Variants in RASGRP2 observed in about 807,000 individuals in gnomAD.
RASGRP2 encodes the protein RAS guanyl releasing protein 2, also known as RAS guanyl-releasing protein 2.
Under a neutral mutation model 71.0 loss-of-function variants are expected in RASGRP2, and 44 were observed. That is an observed-to-expected ratio of 0.62 (90% confidence interval 0.49 to 0.80). The LOEUF (loss-of-function observed/expected upper bound fraction) is 0.80, where lower values mean the gene tolerates loss of function less well. Ranked by LOEUF, RASGRP2 falls within the 30% of genes least tolerant of loss-of-function variation. RASGRP2 has a pLI of 0.00. For synonymous variants in RASGRP2, 350 were observed against 330.7 expected, an observed-to-expected ratio of 1.06 and a Z score of -0.63; for missense variants, 663 against 813.4, an observed-to-expected ratio of 0.82 and a Z score of 2.25.
At chr11:64,740,815 T>C (rs113414862) in intron 5 of RASGRP2, 133 bp downstream of exon 5, 50 of 1,219,218 alleles carry the variant, frequency 4.1e-5, no homozygotes, top group African/African-American at 3.3e-4. Context: ...TTGAAGGCAA[T>C]AGGGAGCCAT....
chr11:64,729,878 A>G (rs2057704481), intron 13 of RASGRP2, 80 bp from the exon 14 acceptor site: 9 of 1,587,274 alleles, frequency 5.7e-6, no homozygotes, highest in Non-Finnish European at 6.9e-6. Context: ...GGGTGAGACT[A>G]GGGCTTTAGA....
chr11:64,739,948 T>C lies in RASGRP2; in HGVS notation c.522+65A>G. ...GTGACCCAGCCTACGCCAGGGACCC[T>C]GCCCCTCCTAGAACTCTCTTCCAGC... On this transcript the variant is annotated intron_variant, in intron 6 of 16. Transcript: ENST00000394432. The surrounding 1 kb of genome is among the most constrained non-coding windows in gnomAD (Gnocchi z 4.2). 2.5e-6 allele frequency: 4 copies of C among 1,611,670 alleles called. No individual in the cohort carries two copies. The highest frequency in any genetic ancestry group is 3.4e-6 in the Non-Finnish European group (4 of 1,178,632).
intron 8 of RASGRP2, 66 bp from the exon 9 acceptor site, chr11:64,737,100 T>G: frequency 6.3e-7 from 1 of 1,590,302 alleles, no homozygotes; most frequent in African/African-American, 1.3e-5. Context: ...CCTGGAAATG[T>G]AGGAGGGGGT....
rs1183527512 is a variant in RASGRP2 at position 64,740,169 on chromosome 11, G to A, written c.372-6C>T. ...GCTTCCACTTGTAGGTAGGGCTGGGGGGGCAGGGGTAGTGAGCCCTTTGCT... is the reference window on the plus strand; with the variant it reads ...GCTTCCACTTGTAGGTAGGGCTGGGAGGGCAGGGGTAGTGAGCCCTTTGCT... On this transcript the variant is annotated splice_region_variant and splice_polypyrimidine_tract_variant and intron_variant, in intron 5 of 16. Transcript: ENST00000394432. The A allele has an allele frequency of 6.2e-7, 1 of 1,614,002 alleles. No individual in the cohort carries two copies. Among genetic ancestry groups the A allele is most frequent in the Admixed American group, 1.7e-5 (1 of 60,002 alleles).
rs113386360 is a variant in RASGRP2 at position 64,735,706 on chromosome 11, GA to G, written c.1174-43del. On this transcript the variant is annotated intron_variant, in intron 10 of 16. Coordinates refer to ENST00000394432, the MANE Select transcript of RASGRP2 (RefSeq NM_001098671.2). The surrounding 1 kb of genome is among the most constrained non-coding windows in gnomAD (Gnocchi z 4.2). Reference sequence around the variant, plus strand: ...GCCTGAGCTAGGGCCAGAGGCAGGGGAAGCCCAGAGCCCCGGGGAACAGAGA... The same window carrying G: ...GCCTGAGCTAGGGCCAGAGGCAGGGGAGCCCAGAGCCCCGGGGAACAGAGA... 6.3e-7 allele frequency: 1 copy of G among 1,588,202 alleles called. No individual in the cohort carries two copies.
Position 64,735,395 on chromosome 11 carries a change from C to A in RASGRP2, c.1296+147G>T. 1.4e-6 allele frequency: 2 copies of A among 1,458,210 alleles called. No individual in the cohort carries two copies. The highest frequency in any genetic ancestry group is 1.1e-5 in the South Asian group (1 of 87,314). The allele number at this position is 1,458,210 out of a possible 1,614,324, so 90.3% of individuals were successfully genotyped here. A position where few individuals can be genotyped will look rare whatever the true frequency, so the allele number is the denominator to read the frequency against. On this transcript the variant is annotated intron_variant, in intron 11 of 16. Coordinates refer to ENST00000394432, the MANE Select transcript of RASGRP2 (RefSeq NM_001098671.2). The surrounding 1 kb of genome is among the most constrained non-coding windows in gnomAD (Gnocchi z 4.2). ...ACCCCCACCCTACCCAGGGGCACTT[C>A]AGCCCCGTGCAGCTGGCCTGCCAGG...
At chr11:64,738,812 G>A (rs1467602292) in intron 8 of RASGRP2, among the ~76,000 whole-genome samples, 1 of 152,032 alleles carries the variant, frequency 6.6e-6, no homozygotes, top group Non-Finnish European at 1.5e-5. Flanking sequence ...AATAAAAAAT[G>A]AAGGAGAAAG....
chr11:64,743,905 C>T lies in RASGRP2; in HGVS notation c.-72+98G>A. Reference sequence around the variant, plus strand: ...TGCAGGCGTCCGCACTTACACGCACCGGGCCACAGGCACCGGCCTCCCATC... The same window carrying T: ...TGCAGGCGTCCGCACTTACACGCACTGGGCCACAGGCACCGGCCTCCCATC... On this transcript the variant is annotated intron_variant, in intron 1 of 16. Transcript: ENST00000394432. This position sits in a 1 kb window ranked among gnomAD's most constrained non-coding sequence, Gnocchi z 4.9. 3.4e-6 allele frequency: 3 copies of T among 883,662 alleles called. No individual in the cohort carries two copies. The highest frequency in any genetic ancestry group is 4.1e-6 in the Non-Finnish European group (3 of 726,972). The allele number at this position is 883,662 out of a possible 1,614,324, so 54.7% of individuals were successfully genotyped here. A position where few individuals can be genotyped will look rare whatever the true frequency, so the allele number is the denominator to read the frequency against.
At position 64,735,274 on chromosome 11, in the gene RASGRP2, A is replaced by C. The variant is rs2057894399; in HGVS notation, c.1297-47T>G. 1.4e-6 allele frequency: 2 copies of C among 1,466,638 alleles called. No homozygotes were observed. The highest frequency in any genetic ancestry group is 4.5e-5 in the East Asian group (2 of 44,004). The allele number at this position is 1,466,638 out of a possible 1,614,324, so 90.9% of individuals were successfully genotyped here. On this transcript the variant is annotated intron_variant, in intron 11 of 16. Transcript: ENST00000394432. This position sits in a 1 kb window ranked among gnomAD's most constrained non-coding sequence, Gnocchi z 4.2. ...GCAGAGCCAGAAGAGGGGAGAGTAAAGGGGACATCAGGTCCTGTCCCTTCC... is the reference window on the plus strand; with the variant it reads ...GCAGAGCCAGAAGAGGGGAGAGTAACGGGGACATCAGGTCCTGTCCCTTCC...
rs2057671253 is a variant in RASGRP2, at chr11:64,729,046, G to A, written c.1592-4C>T. 7 of 1,591,398 alleles carry A rather than the reference G, an allele frequency of 4.4e-6. No homozygotes were observed. The highest frequency in any genetic ancestry group is 3.3e-5 in the South Asian group (3 of 89,568). On this transcript the variant is annotated splice_region_variant and splice_polypyrimidine_tract_variant and intron_variant, in intron 14 of 16. Transcript: ENST00000394432. ...TTGTGGCAGTTCACTCCACAGGCTG[G>A]GGGAGAGCAAATGGAGAGCCAGCCA...
In RASGRP2 at chr11:64,740,008, C is replaced by T. The variant is rs1258934260; in HGVS notation, c.522+5G>A. ...ACCCCTGACCCCCCAGCCCTCGGGC[C>T]GCACCAGGATCTTGCAGAAGGAGCG... On this transcript the variant is annotated splice_donor_5th_base_variant and intron_variant, in intron 6 of 16. Coordinates refer to ENST00000394432, the MANE Select transcript of RASGRP2 (RefSeq NM_001098671.2). The T allele has an allele frequency of 1.2e-6, 2 of 1,613,980 alleles. No homozygotes were observed. The highest frequency in any genetic ancestry group is 2.7e-5 in the African/African-American group (2 of 74,898).
At chr11:64,733,853 CTTTTT>C (rs200730812) in intron 12 of RASGRP2, among the ~76,000 whole-genome samples, 2 of 135,656 alleles carry the variant, frequency 1.5e-5, no homozygotes, top group Non-Finnish European at 3.1e-5. Flanking sequence ...CTTTTTTTTT[CTTTTT>C]TTTTTTTTTG....
Position 64,743,426 on chromosome 11 carries a change from C to T in RASGRP2, c.-71-489G>A, listed in dbSNP as rs2904961. The T allele has an allele frequency of 0.96, 337,776 of 351,506 alleles. 163,844 individuals are homozygous for T. The highest frequency in any genetic ancestry group is 1 in the East Asian group (11,723 of 11,724). 21.8% of individuals were successfully genotyped at this position (351,506 alleles called of 1,614,324 possible). A position where few individuals can be genotyped will look rare whatever the true frequency, so the allele number is the denominator to read the frequency against. The stretch of plus-strand genomic sequence containing the variant: ...GGGGGAGAGAACCCAGGCGTCCTGC[C>T]CGCCTCGCCCCCTCCCGGGAGCCCA... On this transcript the variant is annotated intron_variant, in intron 1 of 16. Transcript: ENST00000394432. This position sits in a 1 kb window ranked among gnomAD's most constrained non-coding sequence, Gnocchi z 4.9.
chr11:64,737,192 G>A, intron 8 of RASGRP2, 158 bp from the exon 9 acceptor site: 1 of 841,392 alleles, frequency 1.2e-6, no homozygotes, highest in South Asian at 1.5e-5. Context: ...TCAGCCCCTG[G>A]GGATTGAATT....
At position 64,743,034 on chromosome 11, in the gene RASGRP2, G is replaced by A; in HGVS notation, c.-71-97C>T. On this transcript the variant is annotated intron_variant, in intron 1 of 16. Transcript: ENST00000394432. The surrounding 1 kb of genome is among the most constrained non-coding windows in gnomAD (Gnocchi z 4.9). The stretch of plus-strand genomic sequence containing the variant: ...GGCGGGGCGGGCACGCCCCCTGCTG[G>A]ACAGGGGCGGAGTTGTCCCCCGCGG... 1 of 1,341,132 alleles carries A rather than the reference G, an allele frequency of 7.5e-7. No individual in the cohort carries two copies. The highest frequency in any genetic ancestry group is 1.0e-6 in the Non-Finnish European group (1 of 973,560). 83.1% of individuals were successfully genotyped at this position (1,341,132 alleles called of 1,614,324 possible).
rs143980312 is a variant in RASGRP2 at position 64,741,270 on chromosome 11, T to G, written c.239+169A>C. 1.8e-3 allele frequency among the ~76,000 whole-genome samples: 280 copies of G among 152,216 alleles called. 1 individual carries two copies. The highest frequency in any genetic ancestry group is 6.6e-3 in the African/African-American group (276 of 41,542). On this transcript the variant is annotated intron_variant, in intron 4 of 16. Transcript: ENST00000394432. Reference sequence around the variant, plus strand: ...ACCCGCACTGCGCAGAAAAGAAAATTAAGGCCCAGACCCAGGAAGGGGTGA... The same window carrying G: ...ACCCGCACTGCGCAGAAAAGAAAATGAAGGCCCAGACCCAGGAAGGGGTGA...
At chr11:64,737,290 C>T in intron 8 of RASGRP2, 2 of 532,208 alleles carry the variant, frequency 3.8e-6, no homozygotes, top group South Asian at 4.1e-5. Flanking sequence ...CAACATTTAA[C>T]AGGAGAAACA....
At chr11:64,728,616 G>A (rs934200308) in intron 15 of RASGRP2, among the ~76,000 whole-genome samples, 3 of 151,436 alleles carry the variant, frequency 2.0e-5, no homozygotes, top group Admixed American at 1.3e-4. Flanking sequence ...TGTATTTTTA[G>A]TAAAGATGGG....
In RASGRP2 at chr11:64,743,553, G is replaced by A. The variant is rs945826232; in HGVS notation, c.-72+450C>T. ...CCTGGGGCGGGGGGAGCCCGCTGCG[G>A]CCAGGAGGCGTCAGCGGGAAGCCTG... On this transcript the variant is annotated intron_variant, in intron 1 of 16. Transcript: ENST00000394432. The surrounding 1 kb of genome is among the most constrained non-coding windows in gnomAD (Gnocchi z 4.9). The A allele has an allele frequency of 8.8e-6, 3 of 342,768 alleles. No homozygotes were observed. The highest frequency in any genetic ancestry group is 2.1e-5 in the South Asian group (1 of 47,484). 21.2% of individuals were successfully genotyped at this position (342,768 alleles called of 1,614,324 possible).
Sources: gnomAD v4.1 joint callset for allele counts (sites outside exome capture counted in the v4.1 genomes callset) on GRCh38, gnomAD v4.1.1 for gene constraint, Gnocchi (gnomAD v3.1) non-coding constraint, MANE v1.5 for transcripts, NCBI Gene and HGNC (gene_info 2026-07-23, HGNC 2026-07-21) for gene names.